Variants in PAPPA2 observed in about 807,000 individuals in gnomAD.
PAPPA2 encodes the protein pappalysin-2.
Under a neutral mutation model 176.4 loss-of-function variants are expected in PAPPA2, and 86 were observed. The ratio of observed to expected loss-of-function variants is 0.49; its 90% CI spans 0.41 to 0.58. The LOEUF (loss-of-function observed/expected upper bound fraction) is 0.58. Among genes scored for constraint, PAPPA2 ranks in the 20% least tolerant of loss-of-function variants. The probability of loss-of-function intolerance (pLI) is 0.00; values close to 1 mark genes in which losing one functional copy is unlikely to be tolerated. For missense variants in PAPPA2, 2,073 were observed against 2,256.9 expected (o/e 0.92, Z 1.65); for synonymous variants, 809 against 852.2 (o/e 0.95, Z 0.88).
At chr1:176,634,691 A>C (rs939477379) in intron 3 of PAPPA2, among the ~76,000 whole-genome samples, 3 of 151,886 alleles carry the variant, frequency 2.0e-5, no homozygotes, top group African/African-American at 7.2e-5. Flanking sequence ...TATTGAGTAC[A>C]TAGATGAAGA....
At chr1:176,604,240 C>G (rs1654486814) in intron 3 of PAPPA2, among the ~76,000 whole-genome samples, 1 of 152,046 alleles carries the variant, frequency 6.6e-6, no homozygotes, top group African/African-American at 2.4e-5. Flanking sequence ...GGTTTCTTCC[C>G]CTGCTTTATT....
At chr1:176,654,484 A>G (rs559378366) in intron 3 of PAPPA2, among the ~76,000 whole-genome samples, 158 of 149,784 alleles carry the variant, frequency 1.1e-3, no homozygotes, top group African/African-American at 3.5e-3. Context: ...TTTGGTTACC[A>G]TAGCCTTGTA....
intron 2 of PAPPA2, among the ~76,000 whole-genome samples, chr1:176,592,364 G>T (rs1417394660): frequency 1.3e-5 from 2 of 152,076 alleles, no homozygotes; most frequent in African/African-American, 4.8e-5. Flanking sequence ...TAATATAGAT[G>T]ATCTTAGTGG....
In PAPPA2 at chr1:176,842,360, C is replaced by T. The variant is rs570552996; in HGVS notation, c.5302-20C>T. ...CTATCACAGAAATGAGCTATTTCTA[C>T]TTCCCTTTCATTCCCCTAGGTCATT... is the stretch of plus-strand genomic sequence containing the variant. On this transcript the variant is annotated intron_variant, in intron 22 of 22. Coordinates refer to ENST00000367662, the MANE Select transcript of PAPPA2 (RefSeq NM_020318.3). 22 of 1,606,022 alleles carry T rather than the reference C, an allele frequency of 1.4e-5. 1 individual carries two copies. In the South Asian group the frequency reaches 2.2e-4, roughly 16 times the overall value.
chr1:176,653,470 A>G (rs1172674053), intron 3 of PAPPA2, among the ~76,000 whole-genome samples: 1 of 150,814 alleles, frequency 6.6e-6, no homozygotes. Context: ...TCTCCTCAAC[A>G]CTCCTATCCA....
At chr1:176,744,127 A>G (rs527243006) in intron 14 of PAPPA2, among the ~76,000 whole-genome samples, 1 of 152,166 alleles carries the variant, frequency 6.6e-6, no homozygotes, top group Admixed American at 6.5e-5. Context: ...ATATAATTTG[A>G]TATTAGATAG....
intron 3 of PAPPA2, 72 bp downstream of exon 3, chr1:176,595,667 G>A: frequency 7.0e-7 from 1 of 1,423,134 alleles, no homozygotes. Context: ...GTTTGGTTTT[G>A]GAGGCAAATG....
intron 17 of PAPPA2, among the ~76,000 whole-genome samples, chr1:176,786,752 G>C (rs1171403308): frequency 1.3e-5 from 2 of 152,188 alleles, no homozygotes; most frequent in Non-Finnish European, 2.9e-5. Flanking sequence ...CGTGTGTTTT[G>C]AATAAGCTTT....
chr1:176,681,891 G>C (rs898238318), intron 4 of PAPPA2, among the ~76,000 whole-genome samples: 10 of 152,152 alleles, frequency 6.6e-5, no homozygotes, highest in Admixed American at 5.2e-4. Context: ...GTCTGTGAAT[G>C]TTCTGGAGCC....
chr1:176,550,733 C>A (rs148813847), intron 1 of PAPPA2, among the ~76,000 whole-genome samples: 33 of 152,310 alleles, frequency 2.2e-4, no homozygotes, highest in Middle Eastern at 6.8e-3. Flanking sequence ...GAATATCTGA[C>A]ATACGGAGCA....
intron 2 of PAPPA2, among the ~76,000 whole-genome samples, chr1:176,580,174 TTCC>T (rs377282286): frequency 6.6e-6 from 1 of 152,186 alleles, no homozygotes; most frequent in African/African-American, 2.4e-5. Flanking sequence ...CCTGCTACAC[TTCC>T]AAGCCTCTAA....
At chr1:176,604,964 A>G (rs1292100739) in intron 3 of PAPPA2, among the ~76,000 whole-genome samples, 1 of 152,182 alleles carries the variant, frequency 6.6e-6, no homozygotes, top group Non-Finnish European at 1.5e-5. Context: ...TCTCATTGCT[A>G]TGGTAGCGTT....
rs776932393 is a variant in PAPPA2 at position 176,594,808 on chromosome 1, T to C, written c.1204T>C (p.Ser402Pro). 6.2e-7 allele frequency: 1 copy of C among 1,614,238 alleles called. No individual in the cohort carries two copies. Among genetic ancestry groups the C allele is most frequent in the Admixed American group, 1.7e-5 (1 of 60,034 alleles). ...TCCCCTGAACAGCCCCTTCATGGCA[T>C]CTTGCCGCTCTTTGCTCCTGGGGGG... is the stretch of plus-strand genomic sequence containing the variant. Reference protein sequence around the residue: ...SGPLNSPFMASCRSLLLGGDS... With the variant: ...SGPLNSPFMAPCRSLLLGGDS... Residue 402 changes from serine (S) to proline (P), a missense_variant, in exon 3 of 23, where the codon TCT becomes CCT. Physicochemically the swap from Ser to Pro is moderately conservative, Grantham distance 74. Around this residue, in one of 4 missense-constraint regions of PAPPA2, gnomAD observed 1,196 missense variants for 1,330.4 expected, o/e 0.90. Transcript: ENST00000367662.
At position 176,623,726 on chromosome 1, in the gene PAPPA2, C is replaced by CTTTCTT. The variant is rs773945753; in HGVS notation, c.1991+28132_1991+28133insTTCTTT. Among the ~76,000 whole-genome samples the CTTTCTT allele has an allele frequency of 2.2e-4, 21 of 97,438 alleles. 1 individual carries two copies. The highest frequency in any genetic ancestry group is 9.6e-4 in the African/African-American group (19 of 19,818). 63.9% of individuals were successfully genotyped at this position (97,438 alleles called of 152,430 possible). A position where few individuals can be genotyped will look rare whatever the true frequency, so the allele number is the denominator to read the frequency against. ...TCTTTCTTTTCTTCTTTCTTTCTTT[C>CTTTCTT]TCTTTCTTTCTTTCTCTCTCTTTCC... On this transcript the variant is annotated intron_variant, in intron 3 of 22. Transcript: ENST00000367662.
intron 1 of PAPPA2, among the ~76,000 whole-genome samples, chr1:176,540,202 T>C (rs1650295628): frequency 6.6e-6 from 1 of 152,220 alleles, no homozygotes; most frequent in Non-Finnish European, 1.5e-5. Flanking sequence ...GGTCATTGGG[T>C]AGAAAGACGT....
rs7544373 is a variant in PAPPA2 at position 176,802,726 on chromosome 1, C to T, written c.5202+2594C>T. 4.2e-3 allele frequency among the ~76,000 whole-genome samples: 641 copies of T among 152,254 alleles called. 7 individuals carry two copies. Among genetic ancestry groups the T allele is most frequent in the African/African-American group, 0.015 (608 of 41,538 alleles). ...GGAGTGCCTCATTCATTATTTCTCC[C>T]AATAAGCCCAAGGCAGTAAATCCAC... On this transcript the variant is annotated intron_variant, in intron 21 of 22. Coordinates refer to ENST00000367662, the MANE Select transcript of PAPPA2 (RefSeq NM_020318.3).
Position 176,556,805 on chromosome 1 carries a change from G to C in PAPPA2, c.483G>C (p.Gly161=). 6.2e-7 allele frequency: 1 copy of C among 1,614,100 alleles called. No individual in the cohort carries two copies. The highest frequency in any genetic ancestry group is 8.5e-7 in the Non-Finnish European group (1 of 1,180,026). Residue 161 remains glycine (G), a synonymous_variant, in exon 2 of 23, where the codon GGG becomes GGC. Transcript: ENST00000367662. The part of the protein sequence containing the change: ...QRSKESLGEA[G]IQKGSAMAAT... ...CCAAGGAGTCTCTAGGTGAGGCCGG[G>C]ATTCAGAAAGGCTCAGCCATGGCTG...
At chr1:176,549,604 G>C (rs974977975) in intron 1 of PAPPA2, among the ~76,000 whole-genome samples, 2 of 152,164 alleles carry the variant, frequency 1.3e-5, no homozygotes, top group South Asian at 2.1e-4. Flanking sequence ...GAGGCCATCT[G>C]GGTTGATGGA....
intron 22 of PAPPA2, among the ~76,000 whole-genome samples, chr1:176,840,974 C>T (rs927607791): frequency 6.6e-6 from 1 of 152,196 alleles, no homozygotes; most frequent in East Asian, 1.9e-4. Flanking sequence ...ACCATACCTA[C>T]CATGATAACC....
Sources: gnomAD v4.1 joint callset for allele counts (sites outside exome capture counted in the v4.1 genomes callset) on GRCh38, gnomAD v4.1.1 for gene constraint, gnomAD v4.1.1 regional missense constraint, MANE v1.5 for transcripts, NCBI Gene and HGNC (gene_info 2026-07-23, HGNC 2026-07-21) for gene names.